The following VCL variants were observed in gnomAD, a reference collection of about 807,000 sequenced individuals.
VCL encodes the protein vinculin, also known as epididymis luminal protein 114.
In VCL, 47 loss-of-function variants were observed where a neutral mutation model predicts 125.7. The observed-to-expected ratio is 0.37, with a 90% confidence interval of 0.30 to 0.48. The LOEUF is 0.48. VCL is among the 20% of genes least tolerant of loss of function. The pLI is 0.99. For missense variants in VCL, 1,069 were observed against 1,455.5 expected, an observed-to-expected ratio of 0.73 and a Z score of 4.32; for synonymous variants, 458 against 514.6, an observed-to-expected ratio of 0.89 and a Z score of 1.49.
chr10:73,999,275 G>A (rs1189812631), intron 1 of VCL, among the ~76,000 whole-genome samples: 1 of 152,172 alleles, frequency 6.6e-6, no homozygotes, highest in Non-Finnish European at 1.5e-5. Context: ...CGCCCCTGCC[G>A]GAGAGAAGGC....
Position 74,040,444 on chromosome 10 carries a change from T to A in VCL, c.169-2639T>A, listed in dbSNP as rs146049996. 5.6e-3 allele frequency among the ~76,000 whole-genome samples: 858 copies of A among 152,300 alleles called. 6 individuals carry two copies. Among genetic ancestry groups the A allele is most frequent in the African/African-American group, 0.02 (811 of 41,566 alleles). ...GTCTGTGTCCCTCCTTCCCCCCACA[T>A]ATATAAAAGGAATCTCTCTGTGTCT... On this transcript the variant is annotated intron_variant, in intron 1 of 21. Transcript: ENST00000211998.
rs1424671173 is a variant in VCL at position 74,107,311 on chromosome 10, A to T, written c.2516A>T (p.Glu839Val). The T allele has an allele frequency of 6.2e-7, 1 of 1,614,200 alleles. No individual in the cohort carries two copies. Among genetic ancestry groups the T allele is most frequent in the East Asian group, 2.2e-5 (1 of 44,892 alleles). The change falls in exon 17 of 22, where the codon GAG (glutamate) becomes GTG (valine). Residue 839 changes from glutamate to valine, a missense_variant. Coordinates refer to ENST00000211998, the MANE Select transcript of VCL (RefSeq NM_014000.3). The stretch of plus-strand genomic sequence containing the variant: ...GTCAGAGAAGCCTTCCAACCTCAGG[A>T]GCCTGACTTCCCGCCGCCTCCACCA... The part of the protein sequence containing the change: ...AKVREAFQPQ[E>V]PDFPPPPPDL...
intron 2 of VCL, among the ~76,000 whole-genome samples, chr10:74,062,637 T>C (rs549928167): frequency 2.1e-3 from 313 of 152,094 alleles, no homozygotes; most frequent in Non-Finnish European, 2.6e-3. Context: ...CAGTATGGGA[T>C]GTGGTAGTGC....
chr10:74,048,520 G>A (rs1841236094), intron 2 of VCL, among the ~76,000 whole-genome samples: 1 of 151,964 alleles, frequency 6.6e-6, no homozygotes, highest in African/African-American at 2.4e-5. Flanking sequence ...TGTCAGCAGG[G>A]GAGTCAGCTA....
rs764266671 is a variant in VCL, at chr10:74,111,950, T to G, written c.2787T>G (p.Ala929=). Reference sequence around the variant, plus strand: ...CTGAGGTGGGTATAGGTGTTGTAGCTGAGGCAGATGCGGCCGATGCTGCTG... The same window carrying G: ...CTGAGGTGGGTATAGGTGTTGTAGCGGAGGCAGATGCGGCCGATGCTGCTG... ...PAAEVGIGVV[A]EADAADAAGF... is the part of the protein sequence containing the mutation. Residue 929 remains alanine (A), a synonymous_variant, in exon 19 of 22, where the codon GCT becomes GCG. Coordinates refer to ENST00000211998, the MANE Select transcript of VCL (RefSeq NM_014000.3). The G allele has an allele frequency of 6.2e-7, 1 of 1,614,236 alleles. No homozygotes were observed. The highest frequency in any genetic ancestry group is 2.2e-5 in the East Asian group (1 of 44,892).
At chr10:74,113,578 C>CTTT (rs5786134) in intron 19 of VCL, among the ~76,000 whole-genome samples, 1 of 146,812 alleles carries the variant, frequency 6.8e-6, no homozygotes, top group African/African-American at 2.5e-5. Context: ...CAGAAAATAT[C>CTTT]TTTTTTTTTT....
chr10:74,062,072 T>G (rs1160227730), intron 2 of VCL, among the ~76,000 whole-genome samples: 1 of 151,716 alleles, frequency 6.6e-6, no homozygotes, highest in East Asian at 1.9e-4. Context: ...CATTTTTTAT[T>G]TTTATTTTTT....
Position 74,111,777 on chromosome 10 carries a change from C to T in VCL, c.2746-132C>T. On this transcript the variant is annotated intron_variant, in intron 18 of 21. Coordinates refer to ENST00000211998, the MANE Select transcript of VCL (RefSeq NM_014000.3). ...CTTCTGTGAAGCTTGGTACACAAGG[C>T]TCCTAGAGAACATGTTTCTTTCTCA... 3 of 1,182,220 alleles carry T rather than the reference C, an allele frequency of 2.5e-6. 1 individual carries two copies. The highest frequency in any genetic ancestry group is 2.6e-5 in the South Asian group (2 of 75,754). The allele number at this position is 1,182,220 out of a possible 1,614,324, so 73.2% of individuals were successfully genotyped here.
At chr10:74,050,032 C>A (rs908664952) in intron 2 of VCL, among the ~76,000 whole-genome samples, 1 of 152,186 alleles carries the variant, frequency 6.6e-6, no homozygotes, top group Non-Finnish European at 1.5e-5. Context: ...GAAGGCAATT[C>A]TTGGACCTGA....
At chr10:74,058,710 G>A (rs1280744600) in intron 2 of VCL, among the ~76,000 whole-genome samples, 1 of 150,510 alleles carries the variant, frequency 6.6e-6, no homozygotes, top group Non-Finnish European at 1.5e-5. Context: ...ATATTATTTT[G>A]TCTAAAGCTC....
chr10:74,070,988 T>C lies in VCL; in HGVS notation c.404T>C (p.Ile135Thr), dbSNP rs373744314. The change falls in exon 4 of 22, where the codon ATT becomes ACT. Residue 135 changes from isoleucine (I) to threonine (T), a missense_variant. By Grantham distance (89) the Ile-to-Thr change is moderately conservative. Around this residue, in one of 6 missense-constraint regions of VCL, gnomAD observed 760 missense variants for 928.9 expected, o/e 0.82. Coordinates refer to ENST00000211998, the MANE Select transcript of VCL (RefSeq NM_014000.3). ...TFDEAEVRKIIRVCKGILEYL... is the reference protein window; with the variant it reads ...TFDEAEVRKITRVCKGILEYL... ...ATATTTTTTCAGGTCCGTAAAATTA[T>C]TAGAGTTTGCAAAGGAATTTTGGAA... The C allele has an allele frequency of 2.5e-4, 408 of 1,614,170 alleles. 3 individuals are homozygous for C. In the South Asian group the frequency reaches 3.6e-3, roughly 14 times the overall value.
At chr10:74,093,688 A>G (rs1839924402) in intron 10 of VCL, among the ~76,000 whole-genome samples, 3 of 152,020 alleles carry the variant, frequency 2.0e-5, no homozygotes, top group South Asian at 4.2e-4. Flanking sequence ...AGTCCCAGCT[A>G]CCTGAAAGGC....
intron 1 of VCL, among the ~76,000 whole-genome samples, chr10:74,032,804 C>G (rs1591662476): frequency 6.6e-6 from 1 of 151,834 alleles, no homozygotes; most frequent in African/African-American, 2.4e-5. Flanking sequence ...AAAAGATGCT[C>G]AGCATCATTA....
chr10:74,110,021 C>T (rs1326916519), intron 18 of VCL, among the ~76,000 whole-genome samples: 1 of 152,182 alleles, frequency 6.6e-6, no homozygotes, highest in Non-Finnish European at 1.5e-5. Context: ...CCTGCACCTG[C>T]AGCTGATCTT....
At chr10:74,016,043 C>A (rs1436024851) in intron 1 of VCL, among the ~76,000 whole-genome samples, 1 of 152,022 alleles carries the variant, frequency 6.6e-6, no homozygotes, top group African/African-American at 2.4e-5. Context: ...GTTTCCCAGG[C>A]TGGTCTTGAA....
At chr10:74,102,068 T>C (rs929664315) in intron 14 of VCL, among the ~76,000 whole-genome samples, 6 of 152,014 alleles carry the variant, frequency 3.9e-5, no homozygotes, top group African/African-American at 1.4e-4. Flanking sequence ...GGTTTCTCCA[T>C]GTTGGCCAGG....
Position 74,103,887 on chromosome 10 carries a change from C to T in VCL, c.2090C>T (p.Thr697Ile). The change falls in exon 15 of 22, where the codon ACC becomes ATC. Residue 697 changes from threonine (T) to isoleucine (I), a missense_variant. By Grantham distance (89) the Thr-to-Ile change is moderately conservative (BLOSUM62 -1). Around this residue, in one of 6 missense-constraint regions of VCL, gnomAD observed 760 missense variants for 928.9 expected, o/e 0.82. Transcript: ENST00000211998. ...CAAGCTGCTTATGAACATTTTGAGA[C>T]CATGAAGAACCAGTGGATCGATAAT... ...GNQAAYEHFE[T>I]MKNQWIDNVE... 2 of 1,614,072 alleles carry T rather than the reference C, an allele frequency of 1.2e-6. No individual in the cohort carries two copies. Among genetic ancestry groups the T allele is most frequent in the Non-Finnish European group, 1.7e-6 (2 of 1,179,990 alleles).
chr10:74,037,292 G>A (rs1263089875), intron 1 of VCL, among the ~76,000 whole-genome samples: 3 of 152,186 alleles, frequency 2.0e-5, no homozygotes, highest in Non-Finnish European at 4.4e-5. Flanking sequence ...TGACAGGAGA[G>A]TACAGGAAAA....
At chr10:74,090,705 TAAC>T in intron 10 of VCL, among the ~76,000 whole-genome samples, 1 of 152,204 alleles carries the variant, frequency 6.6e-6, no homozygotes, top group East Asian at 1.9e-4. Flanking sequence ...ATTTTTCTTG[TAAC>T]AACAGCCTCC....
Sources: allele counts gnomAD v4.1 joint callset (sites outside exome capture counted in the v4.1 genomes callset), GRCh38; gene constraint gnomAD v4.1.1; regional missense constraint gnomAD v4.1.1; transcripts MANE v1.5; gene names NCBI Gene and HGNC (gene_info 2026-07-23, HGNC 2026-07-21).